DCHS2: variants seen among roughly 807,000 people sequenced by gnomAD.
The protein encoded by DCHS2 is dachsous cadherin-related 2.
In DCHS2, 142 loss-of-function variants were observed where a neutral mutation model predicts 182.4. The observed-to-expected ratio is 0.78, with a 90% confidence interval of 0.68 to 0.89. The LOEUF is 0.89. DCHS2 is among the 40% of genes least tolerant of loss of function. The pLI, the probability that DCHS2 is intolerant of heterozygous loss-of-function variation, is 0.00. For missense variants in DCHS2, 4,319 were observed against 4,198.6 expected, an observed-to-expected ratio of 1.03 and a Z score of -0.79; for synonymous variants, 1,740 against 1,663.3, an observed-to-expected ratio of 1.05 and a Z score of -1.12.
At chr4:154,366,177 C>T (rs746960713) in intron 3 of DCHS2, 33 bp downstream of exon 3, 8 of 1,569,270 alleles carry the variant, frequency 5.1e-6, no homozygotes, top group Non-Finnish European at 8.8e-7. Flanking sequence ...AACTTTATAG[C>T]CAAAGGATGA....
chr4:154,403,678 C>T (rs947490665), intron 1 of DCHS2, among the ~76,000 whole-genome samples: 5 of 152,118 alleles, frequency 3.3e-5, no homozygotes, highest in South Asian at 2.1e-4. Context: ...GGAAACATTC[C>T]GTCGCCCTAT....
At position 154,297,936 on chromosome 4, in the gene DCHS2, C is replaced by T. The variant is rs896546285; in HGVS notation, c.6378G>A (p.Leu2126=). The T allele has an allele frequency of 1.2e-6, 2 of 1,614,056 alleles. No individual in the cohort carries two copies. Among genetic ancestry groups the T allele is most frequent in the Admixed American group, 3.3e-5 (2 of 60,002 alleles). Residue 2126 remains leucine, a synonymous_variant, in exon 13 of 20, where the codon TTG becomes TTA. Coordinates refer to ENST00000357232, the MANE Select transcript of DCHS2 (RefSeq NM_001358235.2). ...GIPARTTTGL[L]VIHMEGEDVK... is the part of the protein sequence containing the mutation. The stretch of plus-strand genomic sequence containing the variant: ...CATCTTCTCCTTCCATGTGAATGAC[C>T]AAGAGACCCGTGGTTGTCCTGGCTG...
intron 1 of DCHS2, among the ~76,000 whole-genome samples, chr4:154,410,470 C>CAAAAA (rs61280673): frequency 1.4e-5 from 1 of 70,360 alleles, no homozygotes; most frequent in African/African-American, 5.2e-5. Flanking sequence ...ACCCAGAGGG[C>CAAAAA]AAAAAAAAAA....
intron 13 of DCHS2, among the ~76,000 whole-genome samples, chr4:154,292,671 GCCTT>G (rs1400196869): frequency 6.6e-6 from 1 of 152,074 alleles, no homozygotes; most frequent in Non-Finnish European, 1.5e-5. Context: ...TTTCAGACAT[GCCTT>G]CCTTTCTCCC....
At chr4:154,278,643 G>T (rs1364472219) in intron 13 of DCHS2, among the ~76,000 whole-genome samples, 1 of 151,382 alleles carries the variant, frequency 6.6e-6, no homozygotes, top group Non-Finnish European at 1.5e-5. Context: ...GAAAGAAAAA[G>T]TGACTCATCC....
chr4:154,339,405 T>C (rs922223235), intron 3 of DCHS2, among the ~76,000 whole-genome samples: 1 of 152,022 alleles, frequency 6.6e-6, no homozygotes, highest in African/African-American at 2.4e-5. Context: ...GGGCATCTTG[T>C]GGACTATTCA....
At chr4:154,411,116 A>G (rs114053823) in intron 1 of DCHS2, among the ~76,000 whole-genome samples, 1 of 152,228 alleles carries the variant, frequency 6.6e-6, no homozygotes, top group South Asian at 2.1e-4. Flanking sequence ...ATTATGCTAA[A>G]TCAAAGAAGT....
chr4:154,334,589 G>A, intron 4 of DCHS2: 2 of 306,560 alleles, frequency 6.5e-6, no homozygotes, highest in South Asian at 5.8e-5. Flanking sequence ...GTGTGTTTTT[G>A]TGAGTGGGTT....
chr4:154,315,736 T>G lies in DCHS2; in HGVS notation c.5260+12A>C. ...AAGCATTAAATACCCAGTTTCTGTA[T>G]TTCTAAATTACCTGAATCTCTGTCC... On this transcript the variant is annotated intron_variant, in intron 10 of 19. Coordinates refer to ENST00000357232, the MANE Select transcript of DCHS2 (RefSeq NM_001358235.2). The G allele has an allele frequency of 6.2e-7, 1 of 1,609,900 alleles. No homozygotes were observed. Among genetic ancestry groups the G allele is most frequent in the Non-Finnish European group, 8.5e-7 (1 of 1,177,810 alleles).
Position 154,348,604 on chromosome 4 carries a change from C to G in DCHS2, c.2477-13500G>C, listed in dbSNP as rs1729465459. Among the ~76,000 whole-genome samples, 2 of 151,670 alleles carry G rather than the reference C, an allele frequency of 1.3e-5. 1 individual carries two copies. The highest frequency in any genetic ancestry group is 4.2e-4 in the South Asian group (2 of 4,816). On this transcript the variant is annotated intron_variant, in intron 3 of 19. Coordinates refer to ENST00000357232, the MANE Select transcript of DCHS2 (RefSeq NM_001358235.2). ...TGCCCTAAATCCAATGACCGGTGTC[C>G]ACACACAAGGAAGGACACAAGAAGA...
chr4:154,332,752 G>C lies in DCHS2; in HGVS notation c.3456C>G (p.Ser1152=), dbSNP rs1343798209. 1 of 1,614,208 alleles carries C rather than the reference G, an allele frequency of 6.2e-7. No individual in the cohort carries two copies. The highest frequency in any genetic ancestry group is 1.1e-5 in the South Asian group (1 of 91,086). ...IYLRRQFDYE[S]TQTYNFRVFA... ...ACACTCTAAAATTATATGTTTGGGTGGATTCATAGTCAAACTGTCGCCGCA... is the reference window on the plus strand; with the variant it reads ...ACACTCTAAAATTATATGTTTGGGTCGATTCATAGTCAAACTGTCGCCGCA... The change falls in exon 5 of 20, where the codon TCC becomes TCG. Residue 1152 remains serine (S), a synonymous_variant. Transcript: ENST00000357232.
chr4:154,433,356 A>G (rs1420674676), intron 1 of DCHS2, among the ~76,000 whole-genome samples: 3 of 151,498 alleles, frequency 2.0e-5, no homozygotes, highest in Admixed American at 6.6e-5. Flanking sequence ...TCTCATCTCC[A>G]AAACTGTGAG....
intron 1 of DCHS2, among the ~76,000 whole-genome samples, chr4:154,402,766 A>G (rs2110875217): frequency 6.6e-6 from 1 of 152,332 alleles, no homozygotes; most frequent in East Asian, 1.9e-4. Context: ...ATGTGGGGAC[A>G]TGAGATTTGG....
chr4:154,280,509 A>G (rs1734080049), intron 13 of DCHS2, among the ~76,000 whole-genome samples: 2 of 152,306 alleles, frequency 1.3e-5, no homozygotes, highest in Middle Eastern at 6.8e-3. Flanking sequence ...ACAGCACATT[A>G]AAAGGATTAT....
intron 12 of DCHS2, among the ~76,000 whole-genome samples, chr4:154,300,615 A>C (rs1735160231): frequency 6.6e-6 from 1 of 151,768 alleles, no homozygotes; most frequent in Non-Finnish European, 1.5e-5. Context: ...TGAGCCTGAC[A>C]GGGGGTACAG....
At chr4:154,256,546 G>A (rs1732683120) in intron 15 of DCHS2, among the ~76,000 whole-genome samples, 1 of 152,000 alleles carries the variant, frequency 6.6e-6, no homozygotes, top group African/African-American at 2.4e-5. Flanking sequence ...GTTGTGTTGA[G>A]GATAAAACAG....
chr4:154,315,677 T>C, intron 10 of DCHS2, 71 bp downstream of exon 10: 1 of 1,560,052 alleles, frequency 6.4e-7, no homozygotes, highest in Non-Finnish European at 8.6e-7. Flanking sequence ...ATAACTATTA[T>C]AAATTACGTC....
At chr4:154,472,322 T>A (rs905948408) in intron 1 of DCHS2, among the ~76,000 whole-genome samples, 1 of 152,230 alleles carries the variant, frequency 6.6e-6, no homozygotes, top group Non-Finnish European at 1.5e-5. Context: ...TGTTTCTTTT[T>A]AAATCTCATA....
intron 16 of DCHS2, among the ~76,000 whole-genome samples, chr4:154,253,171 G>T (rs1732468167): frequency 7.4e-6 from 1 of 134,990 alleles, no homozygotes; most frequent in South Asian, 2.5e-4. Flanking sequence ...GGTGATGCTG[G>T]AGAGAGAGAG....
Sources: gnomAD v4.1 joint callset for allele counts (sites outside exome capture counted in the v4.1 genomes callset) on GRCh38, gnomAD v4.1.1 for gene constraint, MANE v1.5 for transcripts, NCBI Gene and HGNC (gene_info 2026-07-23, HGNC 2026-07-21) for gene names.